The following CHRM3 variants were observed in gnomAD, a reference collection of about 807,000 sequenced individuals.
CHRM3 encodes cholinergic receptor muscarinic 3.
A neutral mutation model predicts 41.8 loss-of-function variants in CHRM3; 11 were observed. The observed-to-expected ratio is 0.26, with a 90% CI of 0.17 to 0.44. The LOEUF (loss-of-function observed/expected upper bound fraction) is 0.44, where lower values mean the gene tolerates loss of function less well. Among genes scored for constraint, CHRM3 ranks in the 20% least tolerant of loss-of-function variants. The probability of loss-of-function intolerance (pLI) is 1.00; values close to 1 mark genes in which losing one functional copy is unlikely to be tolerated. For missense variants in CHRM3, 571 were observed against 745.4 expected, an observed-to-expected ratio of 0.77 and a Z score of 2.72; for synonymous variants, 297 against 301.4, an observed-to-expected ratio of 0.99 and a Z score of 0.15.
At chr1:239,414,804 T>A (rs1661369581) in intron 1 of CHRM3, among the ~76,000 whole-genome samples, 2 of 152,220 alleles carry the variant, frequency 1.3e-5, no homozygotes, top group African/African-American at 4.8e-5. Context: ...AACCACAGTT[T>A]GACTCTTTGA....
chr1:239,451,883 A>G (rs1470108930), intron 1 of CHRM3, among the ~76,000 whole-genome samples: 2 of 152,252 alleles, frequency 1.3e-5, no homozygotes, highest in East Asian at 3.9e-4. Context: ...AACCTATTTC[A>G]TTATATTTTT....
At chr1:239,665,915 C>A (rs1673750283) in intron 4 of CHRM3, among the ~76,000 whole-genome samples, 1 of 152,132 alleles carries the variant, frequency 6.6e-6, no homozygotes, top group Non-Finnish European at 1.5e-5. Context: ...TCCAATCTAT[C>A]AATGATGGGA....
At chr1:239,436,254 C>T (rs1179068503) in intron 1 of CHRM3, among the ~76,000 whole-genome samples, 12 of 152,048 alleles carry the variant, frequency 7.9e-5, no homozygotes, top group Non-Finnish European at 8.8e-5. Flanking sequence ...AAAAAGGTAC[C>T]ACTTTGGGCT....
intron 1 of CHRM3, among the ~76,000 whole-genome samples, chr1:239,465,333 A>G (rs879459134): frequency 2.0e-5 from 3 of 152,218 alleles, no homozygotes; most frequent in East Asian, 1.9e-4. Context: ...TGAGATATTT[A>G]TAATCTGTTA....
At chr1:239,514,526 T>C (rs145596228) in intron 2 of CHRM3, among the ~76,000 whole-genome samples, 26 of 152,186 alleles carry the variant, frequency 1.7e-4, no homozygotes, top group African/African-American at 5.3e-4. Context: ...TTGATTCTAC[T>C]GGATTTTCTA....
intron 1 of CHRM3, among the ~76,000 whole-genome samples, chr1:239,466,843 C>T (rs1192432627): frequency 2.0e-5 from 3 of 152,042 alleles, no homozygotes; most frequent in Non-Finnish European, 4.4e-5. Flanking sequence ...ACTTATGGTA[C>T]TATCAGTATT....
At chr1:239,721,517 CA>C (rs1333891245) in intron 5 of CHRM3, among the ~76,000 whole-genome samples, 1 of 151,830 alleles carries the variant, frequency 6.6e-6, no homozygotes, top group Non-Finnish European at 1.5e-5. Flanking sequence ...AAATGCATTT[CA>C]TTAACAGGGA....
intron 5 of CHRM3, among the ~76,000 whole-genome samples, chr1:239,795,591 C>A (rs1343603952): frequency 1.3e-5 from 2 of 152,120 alleles, no homozygotes; most frequent in East Asian, 3.9e-4. Flanking sequence ...AGAACAACTC[C>A]CCATTTCAGA....
chr1:239,498,029 G>A (rs1274539768), intron 2 of CHRM3, among the ~76,000 whole-genome samples: 2 of 152,110 alleles, frequency 1.3e-5, no homozygotes, highest in African/African-American at 4.8e-5. Context: ...TTTACCAGTT[G>A]CTATGGCTAG....
intron 6 of CHRM3, among the ~76,000 whole-genome samples, chr1:239,870,223 G>A (rs772329013): frequency 3.9e-5 from 6 of 152,192 alleles, no homozygotes; most frequent in Non-Finnish European, 7.3e-5. Flanking sequence ...AACAGAGCAA[G>A]TCACATCTCT....
chr1:239,487,044 T>G (rs2148036032), intron 1 of CHRM3, among the ~76,000 whole-genome samples: 1 of 152,362 alleles, frequency 6.6e-6, no homozygotes, highest in Non-Finnish European at 1.5e-5. Context: ...TAAAAGCTGA[T>G]GCAGAACATA....
rs555053101 is a variant in CHRM3 at position 239,789,481 on chromosome 1, G to T, written c.-146-37771G>T. Among the ~76,000 whole-genome samples the T allele has an allele frequency of 2.6e-5, 4 of 152,324 alleles. No homozygotes were observed. In the East Asian group the frequency reaches 7.7e-4, roughly 29 times the overall value. On this transcript the variant is annotated intron_variant, in intron 5 of 6. Coordinates refer to ENST00000676153, the MANE Select transcript of CHRM3 (RefSeq NM_001375978.1). ...AAAGGCATATTTGGCTCACAGTTCT[G>T]CAGGCTATACAAGAAGTGTGGCACC...
intron 2 of CHRM3, among the ~76,000 whole-genome samples, chr1:239,529,897 A>G (rs1349028407): frequency 6.6e-6 from 1 of 151,638 alleles, no homozygotes; most frequent in Non-Finnish European, 1.5e-5. Flanking sequence ...ATTTATTATT[A>G]TTATTATTAT....
chr1:239,498,107 G>A (rs1451419584), intron 2 of CHRM3, among the ~76,000 whole-genome samples: 6 of 152,066 alleles, frequency 3.9e-5, no homozygotes, highest in Non-Finnish European at 7.4e-5. Context: ...TCCTAGTAGC[G>A]GGAACTGACA....
intron 1 of CHRM3, among the ~76,000 whole-genome samples, chr1:239,441,231 C>T (rs568314699): frequency 6.6e-6 from 1 of 152,132 alleles, no homozygotes; most frequent in African/African-American, 2.4e-5. Flanking sequence ...ATTAGAACTG[C>T]TGGTTTCTGG....
At chr1:239,740,629 C>T (rs1664762978) in intron 5 of CHRM3, among the ~76,000 whole-genome samples, 1 of 152,090 alleles carries the variant, frequency 6.6e-6, no homozygotes, top group Admixed American at 6.5e-5. Context: ...TGCCCCTCAC[C>T]CCCTGACAGG....
intron 2 of CHRM3, among the ~76,000 whole-genome samples, chr1:239,528,141 A>G (rs966212584): frequency 1.3e-5 from 2 of 152,180 alleles, no homozygotes; most frequent in African/African-American, 4.8e-5. Flanking sequence ...AAACACTTGC[A>G]TATCAGTAGT....
At chr1:239,814,698 C>T (rs1174426895) in intron 5 of CHRM3, among the ~76,000 whole-genome samples, 1 of 152,202 alleles carries the variant, frequency 6.6e-6, no homozygotes, top group African/African-American at 2.4e-5. Context: ...TTCAGCCCAG[C>T]AAGTGGCTGC....
intron 3 of CHRM3, among the ~76,000 whole-genome samples, chr1:239,557,914 T>C: frequency 6.6e-6 from 1 of 152,208 alleles, no homozygotes; most frequent in Non-Finnish European, 1.5e-5. Flanking sequence ...TTCCATGTCT[T>C]TGCTATTGTG....
Sources: gnomAD v4.1 joint callset for allele counts (sites outside exome capture counted in the v4.1 genomes callset) on GRCh38, gnomAD v4.1.1 for gene constraint, MANE v1.5 for transcripts, NCBI Gene and HGNC (gene_info 2026-07-23, HGNC 2026-07-21) for gene names.